STMN1: variants seen among roughly 807,000 people sequenced by gnomAD.
The protein encoded by STMN1 is stathmin 1, also known as stathmin.
A neutral mutation model predicts 19.7 loss-of-function variants in STMN1; 3 were observed. The ratio of observed to expected loss-of-function variants is 0.15; its 90% CI spans 0.07 to 0.39. The LOEUF is 0.39. Ranked by LOEUF, STMN1 falls within the 10% of genes least tolerant of loss-of-function variation. The pLI is 1.00. For synonymous variants in STMN1, 59 were observed against 58.9 expected (o/e 1.00, Z -0.01); for missense variants, 99 against 176.0 (o/e 0.56, Z 2.48).
downstream of STMN1, chr1:25,899,984 G>A: frequency 3.1e-6 from 2 of 649,668 alleles, no homozygotes; most frequent in South Asian, 6.9e-5. Context: ...TCCCTGAATT[G>A]AGAGGCAAAG....
downstream of STMN1, among the ~76,000 whole-genome samples, chr1:25,896,474 A>T (rs543485531): frequency 1.2e-4 from 18 of 152,166 alleles, no homozygotes; most frequent in African/African-American, 4.3e-4. Context: ...GATGGCTGCT[A>T]TGAGGTAGCT....
At chr1:25,903,898 A>G in intron 2 of STMN1, 85 bp from the exon 3 acceptor site, 1 of 1,380,738 alleles carries the variant, frequency 7.2e-7, no homozygotes, top group Non-Finnish European at 9.7e-7. Flanking sequence ...AACCCAAATC[A>G]ATTTAATGTA....
At chr1:25,885,832 G>T (rs774840300) in exon 5 of STMN1, 5 of 1,551,558 alleles carry the variant, frequency 3.2e-6, no homozygotes, top group Non-Finnish European at 3.5e-6. Flanking sequence ...AGAGATCTGT[G>T]CTGGGTGGGC....
chr1:25,898,944 C>T (rs1451221099), downstream of STMN1, among the ~76,000 whole-genome samples: 2 of 152,194 alleles, frequency 1.3e-5, no homozygotes, highest in Non-Finnish European at 2.9e-5. Flanking sequence ...CTGATCTCCC[C>T]CAACCATCTC....
At chr1:25,892,034 C>G (rs2048780361) in intron 4 of STMN1, among the ~76,000 whole-genome samples, 1 of 152,176 alleles carries the variant, frequency 6.6e-6, no homozygotes, top group African/African-American at 2.4e-5. Context: ...CTGTGTGACT[C>G]TAAAAATCTC....
intron 3 of STMN1, 102 bp downstream of exon 3, chr1:25,903,539 C>A (rs1384935215): frequency 6.8e-7 from 1 of 1,464,968 alleles, no homozygotes; most frequent in Non-Finnish European, 9.3e-7. Context: ...ATGTAATAAT[C>A]ACAGTGTAGC....
downstream of STMN1, among the ~76,000 whole-genome samples, chr1:25,895,439 T>C (rs2048811159): frequency 6.6e-6 from 1 of 152,194 alleles, no homozygotes; most frequent in Non-Finnish European, 1.5e-5. Context: ...ACAGTTTGGC[T>C]GACTTGGAGT....
At chr1:25,893,784 G>A (rs539326129) in intron 4 of STMN1, among the ~76,000 whole-genome samples, 9 of 152,228 alleles carry the variant, frequency 5.9e-5, no homozygotes, top group South Asian at 2.1e-4. Flanking sequence ...CAGGTGATCC[G>A]CCCACCTTGG....
chr1:25,890,423 G>A (rs1389028203), intron 4 of STMN1, among the ~76,000 whole-genome samples: 1 of 152,206 alleles, frequency 6.6e-6, no homozygotes, highest in East Asian at 1.9e-4. Context: ...ATAACCCTGA[G>A]GCAGAGGGCA....
At position 25,904,714 on chromosome 1, in the gene STMN1, A is replaced by G. The variant is rs745950078; in HGVS notation, c.-38T>C. On this transcript the variant is annotated 5_prime_UTR_variant, in exon 2 of 5. Coordinates refer to ENST00000455785, the MANE Select transcript of STMN1 (RefSeq NM_005563.4). The stretch of plus-strand genomic sequence containing the variant: ...ACAAGCGACAGGCAGTGTATTCTGC[A>G]CAATCAACTGGGATAAGGAAAGTCC... 4.3e-6 allele frequency: 7 copies of G among 1,610,354 alleles called. No individual in the cohort carries two copies. The highest frequency in any genetic ancestry group is 3.3e-5 in the South Asian group (3 of 89,796).
At position 25,900,754 on chromosome 1, in the gene STMN1, A is replaced by C. The variant is rs2048862751; in HGVS notation, c.*262T>G. ...TACTAGCCATTAACCCAGTACACCA[A>C]GTGTACTGAAGTAGAAAAGATGCAA... On this transcript the variant is annotated 3_prime_UTR_variant, in exon 5 of 5. Transcript: ENST00000455785. The C allele has an allele frequency of 7.8e-7, 1 of 1,283,918 alleles. No individual in the cohort carries two copies. The highest frequency in any genetic ancestry group is 1.5e-5 in the African/African-American group (1 of 66,150). The allele number at this position is 1,283,918 out of a possible 1,614,324, so 79.5% of individuals were successfully genotyped here. A position where few individuals can be genotyped will look rare whatever the true frequency, so the allele number is the denominator to read the frequency against.
At chr1:25,894,646 C>T (rs1184439402) in intron 4 of STMN1, among the ~76,000 whole-genome samples, 2 of 152,162 alleles carry the variant, frequency 1.3e-5, no homozygotes, top group Non-Finnish European at 2.9e-5. Flanking sequence ...CACCACTGCA[C>T]TCCGGCCTGG....
In STMN1 at chr1:25,887,393, A is replaced by T. The variant is rs930020394; in HGVS notation, c.379-1524T>A. On this transcript the variant is annotated intron_variant, in intron 4 of 4. Transcript: ENST00000426559. ...ACCCCTCAATCCCGAAGCTTTCCTCAGTGGGTTAACAGGAAAGCCGGTGAT... is the reference window on the plus strand; with the variant it reads ...ACCCCTCAATCCCGAAGCTTTCCTCTGTGGGTTAACAGGAAAGCCGGTGAT... The T allele has an allele frequency of 9.5e-6, 3 of 315,254 alleles. No individual in the cohort carries two copies. In the Admixed American group the frequency reaches 1.1e-4, roughly 12 times the overall value. The allele number at this position is 315,254 out of a possible 1,614,324, so 19.5% of individuals were successfully genotyped here.
At position 25,900,396 on chromosome 1, in the gene STMN1, G is replaced by A; in HGVS notation, c.*620C>T. ...GGCATCCAAACAAAGCAGTCATTGT[G>A]GAAGGAGACAATGCAAACCACACTG... On this transcript the variant is annotated 3_prime_UTR_variant, in exon 5 of 5. Transcript: ENST00000455785. The A allele has an allele frequency of 5.1e-6, 5 of 985,600 alleles. No homozygotes were observed. The highest frequency in any genetic ancestry group is 6.0e-6 in the Non-Finnish European group (5 of 829,952). 61.1% of individuals were successfully genotyped at this position (985,600 alleles called of 1,614,324 possible). A position where few individuals can be genotyped will look rare whatever the true frequency, so the allele number is the denominator to read the frequency against.
At chr1:25,901,468 C>A (rs1378069625) in intron 4 of STMN1, 23 bp downstream of exon 4, 2 of 1,590,526 alleles carry the variant, frequency 1.3e-6, no homozygotes, top group Non-Finnish European at 1.7e-6. Flanking sequence ...AAGCTCAACC[C>A]TTTTACAAAG....
intron 1 of STMN1, chr1:25,905,997 G>A (rs1051381356): frequency 5.3e-5 from 8 of 152,088 alleles, no homozygotes; most frequent in African/African-American, 1.9e-4. Flanking sequence ...CCGCAGTTTG[G>A]TCCTAAAGCC....
intron 2 of STMN1, 48 bp from the exon 3 acceptor site, chr1:25,903,861 C>T (rs1333883199): frequency 3.9e-6 from 6 of 1,542,044 alleles, no homozygotes; most frequent in Non-Finnish European, 5.2e-6. Context: ...TTCTCCTGTT[C>T]TAATAAACTG....
intron 1 of STMN1, chr1:25,905,748 A>G (rs544626331): frequency 6.9e-6 from 1 of 143,950 alleles, no homozygotes; most frequent in East Asian, 2.1e-4. Flanking sequence ...GGCCGCCGCC[A>G]CCACCCCCTT....
At chr1:25,888,361 G>A (rs1572291585) in intron 4 of STMN1, among the ~76,000 whole-genome samples, 1 of 152,152 alleles carries the variant, frequency 6.6e-6, no homozygotes, top group Non-Finnish European at 1.5e-5. Context: ...CATAAGTCAG[G>A]CTGGCTTCTT....
Sources: allele counts gnomAD v4.1 joint callset (sites outside exome capture counted in the v4.1 genomes callset), GRCh38; gene constraint gnomAD v4.1.1; transcripts MANE v1.5; gene names NCBI Gene and HGNC (gene_info 2026-07-23, HGNC 2026-07-21).